The following PHC3 variants were observed in gnomAD, a reference collection of about 807,000 sequenced individuals.
PHC3 encodes the protein polyhomeotic homolog 3, also known as polyhomeotic-like protein 3.
PHC3 carries 13 observed loss-of-function variants against 107.4 expected under a neutral mutation model. The ratio of observed to expected loss-of-function variants is 0.12; its 90% CI spans 0.08 to 0.19. The LOEUF is 0.19. Among genes scored for constraint, PHC3 ranks in the 10% least tolerant of loss-of-function variants. The pLI, the probability that PHC3 is intolerant of heterozygous loss-of-function variation, is 1.00. For missense variants in PHC3, 992 were observed against 1,210.9 expected, an observed-to-expected ratio of 0.82 and a Z score of 2.68; for synonymous variants, 456 against 427.4, an observed-to-expected ratio of 1.07 and a Z score of -0.83.
intron 11 of PHC3, among the ~76,000 whole-genome samples, chr3:170,108,228 G>C (rs1340042377): frequency 1.3e-5 from 2 of 152,034 alleles, no homozygotes; most frequent in African/African-American, 4.8e-5. Context: ...CTCCATATGT[G>C]TGCTCTTTCT....
At chr3:170,169,743 T>C (rs1411761530) in intron 4 of PHC3, 1 of 152,174 alleles carries the variant, frequency 6.6e-6, no homozygotes, top group Non-Finnish European at 1.5e-5. Flanking sequence ...TACCTTTTAA[T>C]AACATGAAGG....
chr3:170,142,925 A>G (rs1724335277), intron 6 of PHC3, among the ~76,000 whole-genome samples: 1 of 152,186 alleles, frequency 6.6e-6, no homozygotes, highest in Non-Finnish European at 1.5e-5. Flanking sequence ...TGTACTCCCA[A>G]AAGTCTGGGA....
chr3:170,099,487 GT>G (rs1399260314), intron 14 of PHC3, among the ~76,000 whole-genome samples: 1 of 152,166 alleles, frequency 6.6e-6, no homozygotes, highest in Non-Finnish European at 1.5e-5. Context: ...CTGAGATAAA[GT>G]TCTGAGTTTC....
At chr3:170,142,939 C>G (rs1290902018) in intron 6 of PHC3, among the ~76,000 whole-genome samples, 5 of 152,106 alleles carry the variant, frequency 3.3e-5, no homozygotes, top group Non-Finnish European at 7.4e-5. Flanking sequence ...TCTGGGAAGC[C>G]TAGGTAGGCA....
At chr3:170,115,088 ACT>A (rs2108358878) in intron 10 of PHC3, among the ~76,000 whole-genome samples, 1 of 152,256 alleles carries the variant, frequency 6.6e-6, no homozygotes, top group Non-Finnish European at 1.5e-5. Flanking sequence ...TGACATAATA[ACT>A]CTATTTCTAG....
At chr3:170,149,626 G>A (rs956894067) in intron 4 of PHC3, among the ~76,000 whole-genome samples, 1 of 151,856 alleles carries the variant, frequency 6.6e-6, no homozygotes, top group Non-Finnish European at 1.5e-5. Flanking sequence ...GGCTAATTTT[G>A]TATATTTTTA....
chr3:170,130,516 T>C (rs1722076453), intron 7 of PHC3, among the ~76,000 whole-genome samples: 4 of 152,150 alleles, frequency 2.6e-5, no homozygotes, highest in Admixed American at 2.6e-4. Context: ...AGAACTCAAA[T>C]TTAGGGGCCA....
intron 11 of PHC3, among the ~76,000 whole-genome samples, chr3:170,111,302 G>C (rs1717629176): frequency 7.0e-6 from 1 of 142,462 alleles, no homozygotes. Context: ...AGGAAGGAAG[G>C]AAGGAAGGAA....
At chr3:170,131,145 TAAAA>T (rs35021791) in intron 7 of PHC3, among the ~76,000 whole-genome samples, 6 of 136,358 alleles carry the variant, frequency 4.4e-5, no homozygotes, top group Non-Finnish European at 6.3e-5. Flanking sequence ...CACTAATTGT[TAAAA>T]AAAAAAAAAA....
chr3:170,177,086 C>G (rs1189739997), intron 2 of PHC3, among the ~76,000 whole-genome samples: 2 of 152,138 alleles, frequency 1.3e-5, no homozygotes, highest in African/African-American at 4.8e-5. Flanking sequence ...ATATTCCCTT[C>G]CCCCTCTGCC....
At chr3:170,140,581 T>TCTC (rs1723891878) in intron 6 of PHC3, among the ~76,000 whole-genome samples, 1 of 143,228 alleles carries the variant, frequency 7.0e-6, no homozygotes. Flanking sequence ...CTCATTTCTT[T>TCTC]TTCTTTTTTT....
At chr3:170,141,157 C>G (rs1288200209) in intron 6 of PHC3, among the ~76,000 whole-genome samples, 1 of 152,118 alleles carries the variant, frequency 6.6e-6, no homozygotes, top group Non-Finnish European at 1.5e-5. Context: ...ATTTTAACTG[C>G]AAATATAATT....
At chr3:170,105,050 C>T (rs1716219438) in intron 12 of PHC3, among the ~76,000 whole-genome samples, 1 of 152,202 alleles carries the variant, frequency 6.6e-6, no homozygotes, top group African/African-American at 2.4e-5. Flanking sequence ...GTTAGGGCCC[C>T]TACCCTGCTA....
chr3:170,122,483 G>T, intron 9 of PHC3, 108 bp downstream of exon 9: 1 of 1,162,396 alleles, frequency 8.6e-7, no homozygotes, highest in Non-Finnish European at 1.3e-6. Flanking sequence ...TGCACCTGTA[G>T]TTCCAGCTAC....
At chr3:170,141,374 G>A (rs1322635159) in intron 6 of PHC3, among the ~76,000 whole-genome samples, 2 of 152,090 alleles carry the variant, frequency 1.3e-5, no homozygotes, top group Non-Finnish European at 2.9e-5. Context: ...ATCTATCTTT[G>A]AATTAAGTCC....
rs1726223891 is a variant in PHC3 at position 170,152,805 on chromosome 3, C to A, written c.415-3561G>T. Among the ~76,000 whole-genome samples, 5 of 151,906 alleles carry A rather than the reference C, an allele frequency of 3.3e-5. No individual in the cohort carries two copies. The South Asian group carries it at 1.0e-3, about 32-fold the overall frequency. ...CCTCCTGAGTAGCTGGGACTACAGGCATGCATCACCACACCCGGCTAATCT... is the reference window on the plus strand; with the variant it reads ...CCTCCTGAGTAGCTGGGACTACAGGAATGCATCACCACACCCGGCTAATCT... On this transcript the variant is annotated intron_variant, in intron 4 of 14. Coordinates refer to ENST00000495893, the MANE Select transcript of PHC3 (RefSeq NM_024947.4).
chr3:170,146,211 C>T (rs1274373963), intron 5 of PHC3, among the ~76,000 whole-genome samples: 1 of 151,784 alleles, frequency 6.6e-6, no homozygotes, highest in Non-Finnish European at 1.5e-5. Context: ...CCCATCTCTA[C>T]TAATAATACA....
intron 7 of PHC3, among the ~76,000 whole-genome samples, chr3:170,133,456 C>T (rs146581325): frequency 8.5e-5 from 13 of 152,182 alleles, no homozygotes; most frequent in African/African-American, 1.4e-4. Flanking sequence ...GGATTACAGG[C>T]GTGAGCCACC....
chr3:170,117,529 GC>G, intron 9 of PHC3, 53 bp from the exon 10 acceptor site: 1 of 1,535,130 alleles, frequency 6.5e-7, no homozygotes, highest in South Asian at 1.3e-5. Context: ...TTTTGCCCAA[GC>G]AAATGAAAGA....
Sources: allele counts gnomAD v4.1 joint callset (sites outside exome capture counted in the v4.1 genomes callset), GRCh38; gene constraint gnomAD v4.1.1; transcripts MANE v1.5; gene names NCBI Gene and HGNC (gene_info 2026-07-23, HGNC 2026-07-21).